The following DPT variants were observed in gnomAD, a reference collection of about 807,000 sequenced individuals.
The protein encoded by DPT is tyrosine-rich acidic matrix protein.
A neutral mutation model predicts 31.2 loss-of-function variants in DPT; 21 were observed. The observed-to-expected ratio is 0.67, with a 90% confidence interval of 0.48 to 0.97. The LOEUF (loss-of-function observed/expected upper bound fraction) is 0.97. DPT is among the 50% of genes least tolerant of loss of function. DPT has a pLI of 0.00. For missense variants in DPT, 262 were observed against 258.8 expected (o/e 1.01, Z -0.08); for synonymous variants, 91 against 86.9 (o/e 1.05, Z -0.26).
intron 3 of DPT, among the ~76,000 whole-genome samples, chr1:168,698,807 GA>G (rs1388791321): frequency 6.6e-6 from 1 of 152,178 alleles, no homozygotes; most frequent in Non-Finnish European, 1.5e-5. Context: ...CATGTGGAGG[GA>G]AAGCTCTTGC....
chr1:168,706,480 A>T (rs1423802013), intron 2 of DPT, among the ~76,000 whole-genome samples: 3 of 152,202 alleles, frequency 2.0e-5, no homozygotes, highest in African/African-American at 7.2e-5. Flanking sequence ...TAAAGACAGA[A>T]AAAATAAACC....
At chr1:168,723,052 G>A (rs774488156) in intron 1 of DPT, among the ~76,000 whole-genome samples, 22 of 152,168 alleles carry the variant, frequency 1.4e-4, no homozygotes, top group Non-Finnish European at 2.8e-4. Flanking sequence ...TTGATTCCTA[G>A]CACTTAGGAG....
intron 2 of DPT, among the ~76,000 whole-genome samples, chr1:168,702,380 T>C (rs1649618791): frequency 6.6e-6 from 1 of 152,204 alleles, no homozygotes; most frequent in Non-Finnish European, 1.5e-5. Flanking sequence ...TAGCTCATTC[T>C]CTTGGTTCAT....
At chr1:168,707,491 C>T (rs1477186853) in intron 2 of DPT, among the ~76,000 whole-genome samples, 2 of 152,028 alleles carry the variant, frequency 1.3e-5, no homozygotes, top group African/African-American at 4.8e-5. Context: ...CAATACTTAG[C>T]CAGACACATC....
chr1:168,729,011 A>C lies in DPT; in HGVS notation c.164T>G (p.Val55Gly). The change falls in exon 1 of 4, where the codon GTG becomes GGG. Residue 55 changes from valine to glycine, a missense_variant. Coordinates refer to ENST00000367817, the MANE Select transcript of DPT (RefSeq NM_001937.5). ...GFSYQCPQGQ[V>G]IVAVRSIFSK... The stretch of plus-strand genomic sequence containing the variant: ...GAAGATGCTCCTCACGGCCACTATC[A>C]CCTGCCCCTGGGGACACTGGTAGCT... 1 of 1,614,088 alleles carries C rather than the reference A, an allele frequency of 6.2e-7. No homozygotes were observed.
At chr1:168,696,776 A>G (rs1649477170) in intron 3 of DPT, among the ~76,000 whole-genome samples, 161 bp from the exon 4 acceptor site, 1 of 152,196 alleles carries the variant, frequency 6.6e-6, no homozygotes, top group Admixed American at 6.5e-5. Flanking sequence ...GCAGTTTCCC[A>G]AGAACCGACA....
At chr1:168,714,194 G>C (rs1404489139) in intron 2 of DPT, 27 bp downstream of exon 2, 1 of 1,613,946 alleles carries the variant, frequency 6.2e-7, no homozygotes, top group Admixed American at 1.7e-5. Context: ...CAGGAGTCAT[G>C]AGGGTTTGGT....
chr1:168,720,963 C>T (rs892227345), intron 1 of DPT, among the ~76,000 whole-genome samples: 2 of 152,212 alleles, frequency 1.3e-5, no homozygotes, highest in African/African-American at 2.4e-5. Flanking sequence ...ATACCTGATG[C>T]TGCACTTGGT....
intron 3 of DPT, 45 bp downstream of exon 3, chr1:168,700,972 A>G: frequency 7.1e-7 from 1 of 1,417,098 alleles, no homozygotes; most frequent in Non-Finnish European, 1.0e-6. Flanking sequence ...AGTTAGTCCC[A>G]ACTCCTTTAA....
chr1:168,714,753 G>A (rs142918326), intron 1 of DPT, among the ~76,000 whole-genome samples: 104 of 152,310 alleles, frequency 6.8e-4, no homozygotes, highest in Non-Finnish European at 1.3e-3. Context: ...ACAAAGAGAA[G>A]CACAACGTAT....
Position 168,729,027 on chromosome 1 carries a change from A to G in DPT, c.148T>C (p.Cys50Arg). ...NLNRQGFSYQCPQGQVIVAVR... is the reference protein window; with the variant it reads ...NLNRQGFSYQRPQGQVIVAVR... ...GCCACTATCACCTGCCCCTGGGGAC[A>G]CTGGTAGCTGAAGCCTTGCCGGTTC... is the stretch of plus-strand genomic sequence containing the variant. The change falls in exon 1 of 4, where the codon TGT (cysteine) becomes CGT (arginine). Residue 50 changes from cysteine (C) to arginine (R), a missense_variant. Coordinates refer to ENST00000367817, the MANE Select transcript of DPT (RefSeq NM_001937.5). 6.2e-7 allele frequency: 1 copy of G among 1,614,168 alleles called. No individual in the cohort carries two copies. Among genetic ancestry groups the G allele is most frequent in the East Asian group, 2.2e-5 (1 of 44,884 alleles).
chr1:168,720,683 GAGA>G (rs1650089338), intron 1 of DPT, among the ~76,000 whole-genome samples: 1 of 152,124 alleles, frequency 6.6e-6, no homozygotes. Context: ...GATGGACTAT[GAGA>G]AGTTTTGCCC....
chr1:168,713,606 T>G (rs1649913464), intron 2 of DPT, among the ~76,000 whole-genome samples: 1 of 152,142 alleles, frequency 6.6e-6, no homozygotes, highest in Admixed American at 6.5e-5. Flanking sequence ...ATACACATTC[T>G]CCTAGTCAAT....
intron 1 of DPT, among the ~76,000 whole-genome samples, chr1:168,726,202 C>T (rs920507297): frequency 6.6e-6 from 1 of 152,166 alleles, no homozygotes; most frequent in African/African-American, 2.4e-5. Context: ...ACTGCACACC[C>T]AAAAATGCCG....
chr1:168,704,593 G>GA (rs1226604353), intron 2 of DPT, among the ~76,000 whole-genome samples: 12 of 146,770 alleles, frequency 8.2e-5, no homozygotes, highest in African/African-American at 3.2e-4. Flanking sequence ...TGTGTGTGTG[G>GA]GGTGTGTGTG....
chr1:168,728,817 G>A, intron 1 of DPT, 53 bp downstream of exon 1: 1 of 1,584,938 alleles, frequency 6.3e-7, no homozygotes, highest in Non-Finnish European at 8.6e-7. Context: ...CCCAGGAGGA[G>A]GGATATGCAG....
At chr1:168,723,787 C>A (rs528946008) in intron 1 of DPT, among the ~76,000 whole-genome samples, 1 of 152,136 alleles carries the variant, frequency 6.6e-6, no homozygotes, top group Admixed American at 6.5e-5. Context: ...TGGAATTCCA[C>A]GATTCTGTTG....
intron 1 of DPT, among the ~76,000 whole-genome samples, chr1:168,727,517 T>C (rs1042589143): frequency 2.7e-5 from 4 of 149,504 alleles, no homozygotes; most frequent in African/African-American, 2.5e-5. Flanking sequence ...CAGGGTTCTA[T>C]GCTTTTTCTT....
rs534728154 is a variant in DPT at position 168,710,944 on chromosome 1, CTT to C, written c.431+3275_431+3276del. Among the ~76,000 whole-genome samples the C allele has an allele frequency of 2.2e-4, 33 of 152,018 alleles. No individual in the cohort carries two copies. In the South Asian group the frequency reaches 6.4e-3, roughly 30 times the overall value. On this transcript the variant is annotated intron_variant, in intron 2 of 3. Transcript: ENST00000367817. ...TCCAGGAAAATTTAGATGTTTATCC[CTT>C]TCTCTCACACTTACCTTCATCCACC...
Sources: allele counts gnomAD v4.1 joint callset (sites outside exome capture counted in the v4.1 genomes callset), GRCh38; gene constraint gnomAD v4.1.1; transcripts MANE v1.5; gene names NCBI Gene and HGNC (gene_info 2026-07-23, HGNC 2026-07-21).